REXO1: variants seen among roughly 807,000 people sequenced by gnomAD.
REXO1 encodes RNA exonuclease 1 homolog, also known as REX1, RNA exonuclease 1 homolog.
Under a neutral mutation model 102.6 loss-of-function variants are expected in REXO1, and 42 were observed. The observed-to-expected ratio is 0.41, with a 90% CI of 0.32 to 0.53. The LOEUF is 0.53. Among genes scored for constraint, REXO1 ranks in the 20% least tolerant of loss-of-function variants. REXO1 has a pLI of 0.27. For synonymous variants in REXO1, 908 were observed against 779.1 expected (o/e 1.17, Z -2.76); for missense variants, 1,819 against 1,732.5 (o/e 1.05, Z -0.89).
chr19:1,827,916 A>G lies in REXO1; in HGVS notation c.873T>C (p.Asp291=), dbSNP rs766028402. Residue 291 remains aspartate, a synonymous_variant, in exon 2 of 16, where the codon GAT becomes GAC. Coordinates refer to ENST00000170168, the MANE Select transcript of REXO1 (RefSeq NM_020695.4). ...SCDARFSDSE[D]EAATVPGNEP... ...CGTTACCTGGGACCGTGGCGGCCTCATCTTCTGAGTCTGAGAACCTTGCAT... is the reference window on the plus strand; with the variant it reads ...CGTTACCTGGGACCGTGGCGGCCTCGTCTTCTGAGTCTGAGAACCTTGCAT... 7.4e-6 allele frequency: 12 copies of G among 1,613,596 alleles called. No individual in the cohort carries two copies. The highest frequency in any genetic ancestry group is 3.3e-4 in the Middle Eastern group (2 of 6,084).
intron 4 of REXO1, 143 bp from the exon 5 acceptor site, chr19:1,821,825 G>T (rs908180271): frequency 2.0e-5 from 14 of 711,826 alleles, no homozygotes; most frequent in Non-Finnish European, 3.2e-5. Context: ...AGGGGCTGGG[G>T]CTGCGCAATG....
intron 6 of REXO1, 98 bp from the exon 7 acceptor site, chr19:1,820,155 C>A: frequency 6.4e-7 from 1 of 1,561,830 alleles, no homozygotes; most frequent in South Asian, 1.2e-5. Flanking sequence ...GCATCTCTCC[C>A]AGGCAGCTCC....
chr19:1,833,334 G>A (rs1221309068), intron 1 of REXO1, among the ~76,000 whole-genome samples: 12 of 152,242 alleles, frequency 7.9e-5, no homozygotes, highest in Non-Finnish European at 1.5e-4. Context: ...GGTACGGGCA[G>A]GCAGGGGAAC....
intron 7 of REXO1, 37 bp from the exon 8 acceptor site, chr19:1,819,168 T>C: frequency 6.7e-7 from 1 of 1,491,892 alleles, no homozygotes; most frequent in Non-Finnish European, 9.1e-7. Flanking sequence ...GGGTGTGAAG[T>C]AGCTGGCTCA....
chr19:1,841,943 G>C (rs144355641), intron 1 of REXO1, among the ~76,000 whole-genome samples: 111 of 152,298 alleles, frequency 7.3e-4, no homozygotes, highest in African/African-American at 2.6e-3. Flanking sequence ...CAGCACAGTG[G>C]CTCACGCTTG....
intron 1 of REXO1, among the ~76,000 whole-genome samples, chr19:1,840,638 C>A (rs1599169901): frequency 1.3e-5 from 2 of 151,932 alleles, no homozygotes; most frequent in East Asian, 1.9e-4. Flanking sequence ...ACTCGCCCCA[C>A]CCCCCTGCAA....
chr19:1,838,664 C>CAAAA (rs11433403), intron 1 of REXO1, among the ~76,000 whole-genome samples: 2 of 127,202 alleles, frequency 1.6e-5, no homozygotes, highest in African/African-American at 3.2e-5. Context: ...GACTCCTTTT[C>CAAAA]AAAAAAAAAA....
In REXO1 at chr19:1,817,489, A is replaced by G. The variant is rs554196333; in HGVS notation, c.3091-160T>C. On this transcript the variant is annotated intron_variant, in intron 11 of 15. Coordinates refer to ENST00000170168, the MANE Select transcript of REXO1 (RefSeq NM_020695.4). Reference sequence around the variant, plus strand: ...GAGCAGGTGGGGAAGGGGGCTTGCCAAGAAGACACAGGGAGGACGGCTTCC... The same window carrying G: ...GAGCAGGTGGGGAAGGGGGCTTGCCGAGAAGACACAGGGAGGACGGCTTCC... The G allele has an allele frequency of 1.8e-4, 269 of 1,472,786 alleles. 3 individuals are homozygous for G. In the South Asian group the frequency reaches 3.6e-3, roughly 20 times the overall value. 91.2% of individuals were successfully genotyped at this position (1,472,786 alleles called of 1,614,324 possible).
Position 1,815,691 on chromosome 19 carries a change from T to G in REXO1, c.*375A>C. The G allele has an allele frequency of 7.5e-7, 1 of 1,336,090 alleles. No homozygotes were observed. The highest frequency in any genetic ancestry group is 9.7e-7 in the Non-Finnish European group (1 of 1,036,132). 82.8% of individuals were successfully genotyped at this position (1,336,090 alleles called of 1,614,324 possible). On this transcript the variant is annotated 3_prime_UTR_variant, in exon 16 of 16. Transcript: ENST00000170168. This position sits in a 1 kb window ranked among gnomAD's most constrained non-coding sequence, Gnocchi z 4.0. Reference sequence around the variant, plus strand: ...AAAAAAAGACTGTCTCAAACAAACCTGGGACAAGCCCGCCCCGCGACCCAC... The same window carrying G: ...AAAAAAAGACTGTCTCAAACAAACCGGGGACAAGCCCGCCCCGCGACCCAC...
In REXO1 at chr19:1,838,664, C is replaced by CAA. The variant is rs11433403; in HGVS notation, c.157+9536_157+9537dup. Among the ~76,000 whole-genome samples, 296 of 127,110 alleles carry CAA rather than the reference C, an allele frequency of 2.3e-3. 1 individual carries two copies. Among genetic ancestry groups the CAA allele is most frequent in the Admixed American group, 3.6e-3 (46 of 12,670 alleles). The allele number at this position is 127,110 out of a possible 152,430, so 83.4% of individuals were successfully genotyped here. ...TGGGTGACAGGGCGAGACTCCTTTT[C>CAA]AAAAAAAAAAAAAAACTGAAACAGA... On this transcript the variant is annotated intron_variant, in intron 1 of 15. Transcript: ENST00000170168.
chr19:1,845,656 C>T (rs908667342), intron 1 of REXO1, among the ~76,000 whole-genome samples: 4 of 151,994 alleles, frequency 2.6e-5, no homozygotes, highest in Non-Finnish European at 5.9e-5. Flanking sequence ...AAAGTGAGAC[C>T]CTGTCTCAAA....
intron 1 of REXO1, among the ~76,000 whole-genome samples, chr19:1,843,582 C>T (rs1396704259): frequency 6.6e-6 from 1 of 152,186 alleles, no homozygotes; most frequent in Non-Finnish European, 1.5e-5. Flanking sequence ...CAGGCGGCCC[C>T]GGTGGCCCGA....
At chr19:1,823,862 G>A in intron 3 of REXO1, 77 bp from the exon 4 acceptor site, 1 of 659,942 alleles carries the variant, frequency 1.5e-6, no homozygotes, top group Non-Finnish European at 2.2e-6. Flanking sequence ...AGGCTTGGGA[G>A]AGGGTGGCTG....
In REXO1 at chr19:1,828,150, G is replaced by T; in HGVS notation, c.639C>A (p.Ser213Arg). ...CGTACTTGCCACTGGGAACGGGGCGGCTGTGCCGCCGGGGCTGGCTCACAG... is the reference window on the plus strand; with the variant it reads ...CGTACTTGCCACTGGGAACGGGGCGTCTGTGCCGCCGGGGCTGGCTCACAG... Reference protein sequence around the residue: ...PKAVSQPRRHSRPVPSGKYVV... With the variant: ...PKAVSQPRRHRRPVPSGKYVV... The change falls in exon 2 of 16, where the codon AGC becomes AGA. Residue 213 changes from serine to arginine, a missense_variant. By Grantham distance (110) the Ser-to-Arg change is moderately radical (BLOSUM62 -1). Transcript: ENST00000170168. 6.2e-7 allele frequency: 1 copy of T among 1,610,454 alleles called. No individual in the cohort carries two copies. Among genetic ancestry groups the T allele is most frequent in the South Asian group, 1.1e-5 (1 of 90,720 alleles).
At chr19:1,845,519 C>T (rs903641853) in intron 1 of REXO1, among the ~76,000 whole-genome samples, 1 of 152,100 alleles carries the variant, frequency 6.6e-6, no homozygotes, top group Admixed American at 6.5e-5. Context: ...TAAACATTAG[C>T]GAGGTGTGAT....
At chr19:1,842,843 C>T (rs1317215075) in intron 1 of REXO1, among the ~76,000 whole-genome samples, 1 of 152,232 alleles carries the variant, frequency 6.6e-6, no homozygotes, top group Non-Finnish European at 1.5e-5. Flanking sequence ...TTCCCCAGGC[C>T]AGAAAATAGT....
chr19:1,827,892 G>C lies in REXO1; in HGVS notation c.897C>G (p.Asn299Lys). The change falls in exon 2 of 16, where the codon AAC becomes AAG. Residue 299 changes from asparagine (N) to lysine (K), a missense_variant. Transcript: ENST00000170168. The stretch of plus-strand genomic sequence containing the variant: ...TGGGGGTGCTGGCCGTGGTGGGCTC[G>C]TTACCTGGGACCGTGGCGGCCTCAT... ...SEDEAATVPG[N>K]EPTTASTPKA... 2 of 1,613,766 alleles carry C rather than the reference G, an allele frequency of 1.2e-6. No homozygotes were observed. Among genetic ancestry groups the C allele is most frequent in the African/African-American group, 1.3e-5 (1 of 75,046 alleles).
intron 1 of REXO1, among the ~76,000 whole-genome samples, chr19:1,834,439 G>A (rs907151990): frequency 2.6e-5 from 4 of 152,128 alleles, no homozygotes; most frequent in African/African-American, 9.7e-5. Context: ...TTGTTGTTTT[G>A]TGGAGACAGG....
rs965219402 is a variant in REXO1 at position 1,816,122 on chromosome 19, C to T, written c.3610G>A (p.Ala1204Thr). ...TTCCAGATCACCAGGTGCATGCAGG[C>T]GCCGGCGTCCTCGCTGGAGCTGTGC... ...DGHSSSEDAGACMHLVIWKVR... is the reference protein window; with the variant it reads ...DGHSSSEDAGTCMHLVIWKVR... Residue 1204 changes from alanine (A) to threonine (T), a missense_variant, in exon 16 of 16, where the codon GCC becomes ACC. Coordinates refer to ENST00000170168, the MANE Select transcript of REXO1 (RefSeq NM_020695.4). 24 of 1,549,548 alleles carry T rather than the reference C, an allele frequency of 1.5e-5. No homozygotes were observed. Among genetic ancestry groups the T allele is most frequent in the Admixed American group, 9.8e-5 (5 of 51,050 alleles).
Sources: gnomAD v4.1 joint callset for allele counts (sites outside exome capture counted in the v4.1 genomes callset) on GRCh38, gnomAD v4.1.1 for gene constraint, Gnocchi (gnomAD v3.1) non-coding constraint, MANE v1.5 for transcripts, NCBI Gene and HGNC (gene_info 2026-07-23, HGNC 2026-07-21) for gene names.